Variants in UROS observed in about 807,000 individuals in gnomAD.
The protein encoded by UROS is uroporphyrinogen III synthase, also known as uroporphyrinogen-III synthase.
UROS carries 18 observed loss-of-function variants against 33.0 expected under a neutral mutation model. The ratio of observed to expected loss-of-function variants is 0.55; its 90% CI spans 0.38 to 0.81. UROS has a LOEUF of 0.81. Among genes scored for constraint, UROS ranks in the 30% least tolerant of loss-of-function variants. The probability of loss-of-function intolerance (pLI) is 0.00; values close to 1 mark genes in which losing one functional copy is unlikely to be tolerated. For missense variants in UROS, 293 were observed against 314.9 expected (o/e 0.93, Z 0.53); for synonymous variants, 114 against 121.1 (o/e 0.94, Z 0.38).
chr10:125,820,774 G>T (rs1167940085), intron 1 of UROS, among the ~76,000 whole-genome samples: 2 of 152,184 alleles, frequency 1.3e-5, no homozygotes, highest in African/African-American at 4.8e-5. Flanking sequence ...GATGGAATTT[G>T]GATCCTGGTC....
chr10:125,818,782 G>A (rs1199337025), intron 1 of UROS, among the ~76,000 whole-genome samples: 1 of 152,074 alleles, frequency 6.6e-6, no homozygotes, highest in Non-Finnish European at 1.5e-5. Context: ...TCCATTGTTG[G>A]CTTTTTTGAT....
chr10:125,788,852 G>C lies in UROS; in HGVS notation c.*16C>G. 6.4e-7 allele frequency: 1 copy of C among 1,572,420 alleles called. No individual in the cohort carries two copies. Among genetic ancestry groups the C allele is most frequent in the Non-Finnish European group, 8.6e-7 (1 of 1,160,652 alleles). ...AGCCCAGGGAGGCTGCATGGGGCCA[G>C]CGCTAGGTGGCTGACTCAGCAGCAG... On this transcript the variant is annotated 3_prime_UTR_variant, in exon 10 of 10. Transcript: ENST00000368797.
At position 125,788,947 on chromosome 10, in the gene UROS, C is replaced by T. The variant is rs1274373983; in HGVS notation, c.719G>A (p.Ser240Asn). ...RALAAQGLPV[S>N]CTAESPTPQA... is the part of the protein sequence containing the mutation. The stretch of plus-strand genomic sequence containing the variant: ...TGGCGTGGGGCTCTCTGCAGTGCAG[C>T]TTACAGGAAGGCCCTGGGCGGCCAG... The change falls in exon 10 of 10, where the codon AGC becomes AAC. Residue 240 changes from serine (S) to asparagine (N), a missense_variant. Transcript: ENST00000368797. 1.5e-5 allele frequency: 24 copies of T among 1,611,224 alleles called. No individual in the cohort carries two copies. Among genetic ancestry groups the T allele is most frequent in the Non-Finnish European group, 1.9e-5 (23 of 1,179,672 alleles).
At chr10:125,812,350 C>G (rs557406654) in intron 4 of UROS, 62 bp from the exon 5 acceptor site, 4 of 1,487,348 alleles carry the variant, frequency 2.7e-6, no homozygotes, top group Non-Finnish European at 3.7e-6. Context: ...GACTGTTGCC[C>G]AAGGCTGCTT....
chr10:125,811,988 T>C (rs1852857450), intron 5 of UROS, among the ~76,000 whole-genome samples: 1 of 152,242 alleles, frequency 6.6e-6, no homozygotes, highest in Non-Finnish European at 1.5e-5. Flanking sequence ...TTTGCATACA[T>C]ACTGACCAAG....
chr10:125,822,182 A>C (rs1189512946), intron 1 of UROS, among the ~76,000 whole-genome samples: 1 of 152,206 alleles, frequency 6.6e-6, no homozygotes, highest in African/African-American at 2.4e-5. Flanking sequence ...CGCAATGGGA[A>C]GACCTGGCTG....
intron 6 of UROS, among the ~76,000 whole-genome samples, chr10:125,798,900 G>A (rs1163127814): frequency 6.6e-6 from 1 of 152,218 alleles, no homozygotes; most frequent in Non-Finnish European, 1.5e-5. Context: ...CTGATAAGTT[G>A]TCAAATGCCA....
chr10:125,808,643 T>G lies in UROS; in HGVS notation c.320-1156A>C, dbSNP rs181470294. On this transcript the variant is annotated intron_variant, in intron 5 of 9. Coordinates refer to ENST00000368797, the MANE Select transcript of UROS (RefSeq NM_000375.3). ...TAATAACCATAACCAGAACATTAAC[T>G]CTCATATATAGCTTTGCTGATCACA... is the stretch of plus-strand genomic sequence containing the variant. Among the ~76,000 whole-genome samples the G allele has an allele frequency of 3.0e-3, 462 of 152,330 alleles. 1 individual carries two copies. Among genetic ancestry groups the G allele is most frequent in the Admixed American group, 5.3e-3 (81 of 15,296 alleles).
At chr10:125,794,463 C>A in intron 9 of UROS, 2 of 675,714 alleles carry the variant, frequency 3.0e-6, no homozygotes, top group Non-Finnish European at 1.9e-6. Context: ...AGAATGTAAA[C>A]CCTTTAAAAG....
chr10:125,805,798 G>A (rs1324053164), intron 6 of UROS, among the ~76,000 whole-genome samples: 1 of 152,136 alleles, frequency 6.6e-6, no homozygotes, highest in African/African-American at 2.4e-5. Flanking sequence ...ATGTACCCGA[G>A]ACACGCTGGG....
intron 3 of UROS, among the ~76,000 whole-genome samples, chr10:125,815,344 G>A (rs769515869): frequency 1.2e-4 from 19 of 152,116 alleles, no homozygotes; most frequent in Non-Finnish European, 4.4e-5. Flanking sequence ...CTTATTCCCA[G>A]TATTTCCCTC....
intron 6 of UROS, chr10:125,803,041 G>T (rs775524618): frequency 1.2e-6 from 2 of 1,612,744 alleles, no homozygotes; most frequent in Admixed American, 1.7e-5. Flanking sequence ...GAAGAGAAAT[G>T]AGCATATTTT....
At chr10:125,817,619 A>G (rs1261286321) in intron 1 of UROS, among the ~76,000 whole-genome samples, 2 of 99,686 alleles carry the variant, frequency 2.0e-5, no homozygotes, top group Non-Finnish European at 4.3e-5. Context: ...AAGAAGATAA[A>G]AACAGCGAAC....
intron 9 of UROS, chr10:125,792,317 C>T (rs2133812621): frequency 6.6e-6 from 1 of 152,192 alleles, no homozygotes; most frequent in South Asian, 2.1e-4. Flanking sequence ...ATGATGCTGC[C>T]CCACAGAGCA....
chr10:125,798,013 C>T, intron 7 of UROS, 52 bp downstream of exon 7: 1 of 1,604,164 alleles, frequency 6.2e-7, no homozygotes, highest in Non-Finnish European at 8.5e-7. Flanking sequence ...ACTGCAAAGG[C>T]TCCTGGTGGA....
intron 2 of UROS, 35 bp from the exon 3 acceptor site, chr10:125,816,295 G>A (rs780443648): frequency 6.2e-7 from 1 of 1,609,316 alleles, no homozygotes; most frequent in Non-Finnish European, 8.5e-7. Context: ...GATTGGCTAG[G>A]GCTGTTTTTA....
intron 4 of UROS, among the ~76,000 whole-genome samples, chr10:125,812,971 C>G (rs942303329): frequency 6.6e-6 from 1 of 152,202 alleles, no homozygotes; most frequent in African/African-American, 2.4e-5. Flanking sequence ...TTTCCAAAAT[C>G]TGGTTATGAA....
Position 125,811,680 on chromosome 10 carries a change from C to T in UROS, c.319+534G>A, listed in dbSNP as rs576363342. On this transcript the variant is annotated intron_variant, in intron 5 of 9. Transcript: ENST00000368797. ...GTTACAGGCTAATTTATGACAATTG[C>T]TAAGCATTGTTTTAAGTATTTAAAA... Among the ~76,000 whole-genome samples the T allele has an allele frequency of 2.2e-4, 34 of 152,178 alleles. 1 individual carries two copies. The South Asian group carries it at 7.0e-3, about 32-fold the overall frequency.
intron 1 of UROS, among the ~76,000 whole-genome samples, chr10:125,818,341 C>A (rs1281359581): frequency 1.3e-5 from 2 of 151,940 alleles, no homozygotes; most frequent in Non-Finnish European, 2.9e-5. Flanking sequence ...AAGTTGTTAA[C>A]AAGGAGCCGG....
Sources: gnomAD v4.1 joint callset for allele counts (sites outside exome capture counted in the v4.1 genomes callset) on GRCh38, gnomAD v4.1.1 for gene constraint, MANE v1.5 for transcripts, NCBI Gene and HGNC (gene_info 2026-07-23, HGNC 2026-07-21) for gene names.